The following MYBL2 variants were observed in gnomAD, a reference collection of about 807,000 sequenced individuals.
The protein encoded by MYBL2 is MYB proto-oncogene like 2, also known as myb-related protein B.
A neutral mutation model predicts 79.9 loss-of-function variants in MYBL2; 28 were observed. The observed-to-expected ratio is 0.35, with a 90% CI of 0.26 to 0.48. MYBL2 has a LOEUF of 0.48. Among genes scored for constraint, MYBL2 ranks in the 20% least tolerant of loss-of-function variants. The pLI is 0.99. For missense variants in MYBL2, 735 were observed against 893.9 expected, an observed-to-expected ratio of 0.82 and a Z score of 2.27; for synonymous variants, 378 against 361.2, an observed-to-expected ratio of 1.05 and a Z score of -0.53.
At position 43,674,234 on chromosome 20, in the gene MYBL2, C is replaced by CCCTTT. The variant is rs33986259; in HGVS notation, c.114+335_114+336insCCTTT. On this transcript the variant is annotated intron_variant, in intron 2 of 13. Coordinates refer to ENST00000217026, the MANE Select transcript of MYBL2 (RefSeq NM_002466.4). Reference sequence around the variant, plus strand: ...GGCCAAATCTGTAACTCCCCCCACCCTTTTTTTTTTTTTTTTTTTGAGACA... The same window carrying CCCTTT: ...GGCCAAATCTGTAACTCCCCCCACCCCCTTTTTTTTTTTTTTTTTTTTTTGAGACA... 4.4e-4 allele frequency among the ~76,000 whole-genome samples: 32 copies of CCCTTT among 72,224 alleles called. 7 individuals carry two copies. The highest frequency in any genetic ancestry group is 1.4e-3 in the East Asian group (3 of 2,162). 47.4% of individuals were successfully genotyped at this position (72,224 alleles called of 152,430 possible).
chr20:43,699,840 C>T lies in MYBL2; in HGVS notation c.747C>T (p.Thr249=), dbSNP rs1286543252. ...ENSEEELAAA[T]TSKEQEPIGT... ...GTGAGGAGGAACTTGCAGCAGCCAC[C>T]ACATCGAAGGAACAGGAGCCCATCG... is the stretch of plus-strand genomic sequence containing the variant. The change falls in exon 7 of 14, where the codon ACC becomes ACT. Residue 249 remains threonine (T), a synonymous_variant. Coordinates refer to ENST00000217026, the MANE Select transcript of MYBL2 (RefSeq NM_002466.4). The T allele has an allele frequency of 1.9e-6, 3 of 1,614,132 alleles. No homozygotes were observed. The highest frequency in any genetic ancestry group is 1.7e-6 in the Non-Finnish European group (2 of 1,180,030).
intron 9 of MYBL2, among the ~76,000 whole-genome samples, chr20:43,705,799 C>T (rs1424275841): frequency 6.6e-6 from 1 of 151,882 alleles, no homozygotes; most frequent in African/African-American, 2.4e-5. Context: ...CTCCCAGGTT[C>T]ATGCCATTCT....
intron 7 of MYBL2, among the ~76,000 whole-genome samples, chr20:43,701,666 G>T (rs1987677019): frequency 6.6e-6 from 1 of 152,186 alleles, no homozygotes; most frequent in African/African-American, 2.4e-5. Context: ...TTTGTGAGCT[G>T]CCCCAAGGAG....
chr20:43,670,407 G>A (rs906092115), intron 1 of MYBL2, among the ~76,000 whole-genome samples: 3 of 152,180 alleles, frequency 2.0e-5, no homozygotes, highest in African/African-American at 4.8e-5. Flanking sequence ...TGTAGACACC[G>A]TCCCTCCTTT....
At chr20:43,705,745 G>T (rs1293007957) in intron 9 of MYBL2, among the ~76,000 whole-genome samples, 1 of 151,298 alleles carries the variant, frequency 6.6e-6, no homozygotes, top group Non-Finnish European at 1.5e-5. Context: ...CTGTTGCCCA[G>T]GCTGGAGTGC....
intron 6 of MYBL2, among the ~76,000 whole-genome samples, chr20:43,695,601 C>G (rs1032709600): frequency 1.3e-5 from 2 of 151,952 alleles, no homozygotes; most frequent in African/African-American, 4.8e-5. Flanking sequence ...CCTGTAATCC[C>G]AGCACTTTGT....
chr20:43,682,720 G>A, intron 3 of MYBL2, 74 bp from the exon 4 acceptor site: 2 of 1,429,940 alleles, frequency 1.4e-6, no homozygotes, highest in Non-Finnish European at 9.9e-7. Context: ...CCTGAGCCTA[G>A]TACTTAACCA....
chr20:43,695,307 C>G (rs559370310), intron 6 of MYBL2, among the ~76,000 whole-genome samples: 3 of 152,258 alleles, frequency 2.0e-5, no homozygotes, highest in Admixed American at 1.3e-4. Context: ...TCTCAAAGTG[C>G]TAGGATTGCA....
intron 2 of MYBL2, among the ~76,000 whole-genome samples, chr20:43,677,181 G>T (rs976419275): frequency 1.3e-5 from 2 of 152,172 alleles, no homozygotes. Context: ...GGCTCTTGTG[G>T]GCTTAGAAGA....
chr20:43,715,810 G>A, intron 13 of MYBL2, 149 bp from the exon 14 acceptor site: 2 of 1,151,552 alleles, frequency 1.7e-6, no homozygotes, highest in Non-Finnish European at 2.4e-6. Context: ...ACTTGTCCAG[G>A]GTCACAGGGA....
rs983555288 is a variant in MYBL2 at position 43,674,228 on chromosome 20, C to CCG, written c.114+330_114+331insGC. ...AGGTTTGGCCAAATCTGTAACTCCCCCCACCCTTTTTTTTTTTTTTTTTTT... is the reference window on the plus strand; with the variant it reads ...AGGTTTGGCCAAATCTGTAACTCCCCCGCCACCCTTTTTTTTTTTTTTTTTTT... On this transcript the variant is annotated intron_variant, in intron 2 of 13. Coordinates refer to ENST00000217026, the MANE Select transcript of MYBL2 (RefSeq NM_002466.4). Among the ~76,000 whole-genome samples, 11 of 111,820 alleles carry CCG rather than the reference C, an allele frequency of 9.8e-5. 2 individuals carry two copies. The highest frequency in any genetic ancestry group is 1.2e-4 in the Non-Finnish European group (6 of 50,080). 73.4% of individuals were successfully genotyped at this position (111,820 alleles called of 152,430 possible). A position where few individuals can be genotyped will look rare whatever the true frequency, so the allele number is the denominator to read the frequency against.
At chr20:43,712,949 C>A in intron 11 of MYBL2, 53 bp from the exon 12 acceptor site, 1 of 1,407,096 alleles carries the variant, frequency 7.1e-7, no homozygotes. Flanking sequence ...CAGGTGCTGA[C>A]CATGGGGAAT....
chr20:43,703,814 CCA>C (rs112629054), intron 8 of MYBL2, among the ~76,000 whole-genome samples: 1,726 of 152,152 alleles, frequency 0.011, 15 homozygotes, highest in African/African-American at 0.028. Flanking sequence ...TAACAGAGTA[CCA>C]CAGGCTCGGT....
intron 2 of MYBL2, among the ~76,000 whole-genome samples, chr20:43,674,171 T>C (rs986676890): frequency 3.6e-4 from 55 of 150,986 alleles, no homozygotes; most frequent in African/African-American, 1.3e-3. Context: ...GTCATGGACA[T>C]TGATTGTGCT....
chr20:43,710,578 C>T (rs955613212), intron 10 of MYBL2, among the ~76,000 whole-genome samples: 2 of 152,196 alleles, frequency 1.3e-5, no homozygotes, highest in African/African-American at 4.8e-5. Context: ...GCACCTTGGG[C>T]TTTCTGAAAC....
At chr20:43,686,713 A>G in intron 4 of MYBL2, 139 bp from the exon 5 acceptor site, 2 of 777,374 alleles carry the variant, frequency 2.6e-6, no homozygotes, top group East Asian at 2.7e-5. Context: ...CATCCCCTGC[A>G]GCTCGCTCAG....
At chr20:43,700,374 C>T (rs1038275119) in intron 7 of MYBL2, among the ~76,000 whole-genome samples, 2 of 152,112 alleles carry the variant, frequency 1.3e-5, no homozygotes, top group African/African-American at 2.4e-5. Flanking sequence ...CACAGGACAG[C>T]GTGGTATTTG....
At chr20:43,668,209 T>C (rs1268708775) in intron 1 of MYBL2, among the ~76,000 whole-genome samples, 2 of 144,622 alleles carry the variant, frequency 1.4e-5, no homozygotes, top group Admixed American at 1.4e-4. Context: ...TTTTTTTTTT[T>C]TTTTTTTTTG....
intron 11 of MYBL2, among the ~76,000 whole-genome samples, chr20:43,712,484 G>T (rs1987929600): frequency 6.6e-6 from 1 of 152,164 alleles, no homozygotes; most frequent in Non-Finnish European, 1.5e-5. Context: ...GGTAGAGTGG[G>T]GATGTGACTC....
Sources: gnomAD v4.1 joint callset for allele counts (sites outside exome capture counted in the v4.1 genomes callset) on GRCh38, gnomAD v4.1.1 for gene constraint, MANE v1.5 for transcripts, NCBI Gene and HGNC (gene_info 2026-07-23, HGNC 2026-07-21) for gene names.